TRIML2: variants seen among roughly 807,000 people sequenced by gnomAD.
The protein encoded by TRIML2 is probable E3 ubiquitin-protein ligase TRIML2.
TRIML2 carries 28 observed loss-of-function variants against 31.2 expected under a neutral mutation model. The observed-to-expected ratio is 0.90, with a 90% CI of 0.66 to 1.23. TRIML2 has a LOEUF of 1.23. Among genes scored for constraint, TRIML2 ranks in the 50% most tolerant of loss-of-function variants. The probability of loss-of-function intolerance (pLI) is 0.00; values close to 1 mark genes in which losing one functional copy is unlikely to be tolerated. For synonymous variants in TRIML2, 187 were observed against 197.5 expected, an observed-to-expected ratio of 0.95 and a Z score of 0.45; for missense variants, 536 against 528.3, an observed-to-expected ratio of 1.01 and a Z score of -0.14.
At chr4:188,099,302 C>T in intron 4 of TRIML2, 127 bp from the exon 5 acceptor site, 1 of 1,252,802 alleles carries the variant, frequency 8.0e-7, no homozygotes. Flanking sequence ...CGCAGTGGCT[C>T]ACGCCTGTAA....
Position 188,100,461 on chromosome 4 carries a change from G to C in TRIML2, c.480+595C>G, listed in dbSNP as rs565783949. Among the ~76,000 whole-genome samples the C allele has an allele frequency of 2.0e-5, 3 of 152,288 alleles. No individual in the cohort carries two copies. In the East Asian group the frequency reaches 5.8e-4, roughly 29 times the overall value. On this transcript the variant is annotated intron_variant, in intron 4 of 7. Transcript: ENST00000682553. ...TTCTAGGCCGGGCGCGGTGGCTCAC[G>C]CCTGTAATCCCAGCACTTTGGGAGG...
intron 1 of TRIML2, chr4:188,106,426 A>C (rs2111193160): frequency 6.6e-6 from 1 of 152,362 alleles, no homozygotes; most frequent in Non-Finnish European, 1.5e-5. Flanking sequence ...CTTCTCAATA[A>C]TTGTTTCCGA....
In TRIML2 at chr4:188,091,622, G is replaced by T; in HGVS notation, c.1065C>A (p.Phe355Leu). 1 of 1,614,148 alleles carries T rather than the reference G, an allele frequency of 6.2e-7. No homozygotes were observed. The highest frequency in any genetic ancestry group is 2.2e-5 in the East Asian group (1 of 44,864). ...CCAGGAAGAGCCTTTTCAGAGGGGG[G>T]AAGACCCAGAGAGTCCACTCGGTCC... The part of the protein sequence containing the change: ...VMGTEWTLWV[F>L]PPLKRLFLEK... Residue 355 changes from phenylalanine (F) to leucine (L), a missense_variant, in exon 8 of 8, where the codon TTC (phenylalanine) becomes TTA (leucine). By Grantham distance (22) the Phe-to-Leu change is conservative. Coordinates refer to ENST00000682553, the MANE Select transcript of TRIML2 (RefSeq NM_173553.4).
At chr4:188,095,660 G>A (rs1287197604) in intron 7 of TRIML2, among the ~76,000 whole-genome samples, 1 of 152,158 alleles carries the variant, frequency 6.6e-6, no homozygotes, top group East Asian at 1.9e-4. Flanking sequence ...TTGGTGGGAA[G>A]GCAAAATGGC....
intron 7 of TRIML2, 112 bp from the exon 8 acceptor site, chr4:188,092,053 A>G: frequency 9.2e-7 from 1 of 1,092,154 alleles, no homozygotes; most frequent in Non-Finnish European, 1.3e-6. Context: ...TCCCAGGCCC[A>G]GATACGGGAG....
At chr4:188,098,332 C>A in intron 5 of TRIML2, 1 of 414,398 alleles carries the variant, frequency 2.4e-6, no homozygotes, top group Non-Finnish European at 4.8e-6. Context: ...TAGCCTCCAT[C>A]TCCAGCCTCA....
At chr4:188,103,137 T>C (rs1373730966) in intron 3 of TRIML2, among the ~76,000 whole-genome samples, 1 of 149,092 alleles carries the variant, frequency 6.7e-6, no homozygotes, top group Non-Finnish European at 1.5e-5. Context: ...CTCAGTCACC[T>C]GAGTAGCTGG....
rs551966120 is a variant in TRIML2 at position 188,105,585 on chromosome 4, T to C, written c.-217A>G. 3.8e-5 allele frequency: 16 copies of C among 415,722 alleles called. No homozygotes were observed. Among genetic ancestry groups the C allele is most frequent in the African/African-American group, 3.1e-4 (16 of 51,418 alleles). The allele number at this position is 415,722 out of a possible 1,614,324, so 25.8% of individuals were successfully genotyped here. ...TCAAATCCAACAAATTTCTGGCAGC[T>C]GCCTGCTTGGGGAAAAGACAGAGTT... is the stretch of plus-strand genomic sequence containing the variant. On this transcript the variant is annotated 5_prime_UTR_variant, in exon 2 of 8. Coordinates refer to ENST00000682553, the MANE Select transcript of TRIML2 (RefSeq NM_173553.4).
intron 1 of TRIML2, among the ~76,000 whole-genome samples, chr4:188,108,565 G>A (rs1333616326): frequency 6.6e-6 from 1 of 152,136 alleles, no homozygotes; most frequent in Admixed American, 6.6e-5. Flanking sequence ...GAGTAAGATC[G>A]AAGTGGGTAA....
Position 188,091,642 on chromosome 4 carries a change from C to T in TRIML2, c.1045G>A (p.Glu349Lys), listed in dbSNP as rs150210586. 23 of 1,614,000 alleles carry T rather than the reference C, an allele frequency of 1.4e-5. No homozygotes were observed. In the African/African-American group the frequency reaches 1.9e-4, roughly 13 times the overall value. The change falls in exon 8 of 8, where the codon GAG becomes AAG. Residue 349 changes from glutamate to lysine, a missense_variant. By Grantham distance (56) the Glu-to-Lys change is moderately conservative. Coordinates refer to ENST00000682553, the MANE Select transcript of TRIML2 (RefSeq NM_173553.4). Reference sequence around the variant, plus strand: ...GGGGGGAAGACCCAGAGAGTCCACTCGGTCCCCATCACCGACCCCGTGAGC... The same window carrying T: ...GGGGGGAAGACCCAGAGAGTCCACTTGGTCCCCATCACCGACCCCGTGAGC... ...VLLTGSVMGT[E>K]WTLWVFPPLK...
intron 4 of TRIML2, among the ~76,000 whole-genome samples, chr4:188,100,505 G>A (rs1337947027): frequency 6.6e-6 from 1 of 152,160 alleles, no homozygotes; most frequent in Non-Finnish European, 1.5e-5. Context: ...GGTGGATCAT[G>A]AGGTCAGGAG....
At chr4:188,098,804 C>T in intron 5 of TRIML2, 1 of 493,434 alleles carries the variant, frequency 2.0e-6, no homozygotes. Context: ...CCCTAACTTA[C>T]TGCTGATAAT....
chr4:188,100,837 A>G (rs922572608), intron 4 of TRIML2, among the ~76,000 whole-genome samples: 2 of 152,164 alleles, frequency 1.3e-5, no homozygotes, highest in Admixed American at 1.3e-4. Flanking sequence ...TAATACAGTA[A>G]TATGTGTACA....
chr4:188,095,717 C>A (rs1455509553), intron 7 of TRIML2, among the ~76,000 whole-genome samples: 1 of 152,116 alleles, frequency 6.6e-6, no homozygotes, highest in Non-Finnish European at 1.5e-5. Context: ...CTTAGACAGT[C>A]AATCAAGAAC....
rs540345199 is a variant in TRIML2, at chr4:188,097,013, C to T, written c.745+48G>A. 7 of 1,363,042 alleles carry T rather than the reference C, an allele frequency of 5.1e-6. No individual in the cohort carries two copies. The Admixed American group carries it at 1.2e-4, about 24-fold the overall frequency. The allele number at this position is 1,363,042 out of a possible 1,614,324, so 84.4% of individuals were successfully genotyped here. ...TTTATGGCAGGATGGTCACCTGATT[C>T]TCAAATGCAGAACAGTGCCCTGTGA... On this transcript the variant is annotated intron_variant, in intron 7 of 7. Transcript: ENST00000682553.
intron 4 of TRIML2, among the ~76,000 whole-genome samples, chr4:188,099,984 G>A (rs1733700994): frequency 1.3e-5 from 2 of 151,866 alleles, no homozygotes; most frequent in Non-Finnish European, 2.9e-5. Flanking sequence ...TTATTTAGGG[G>A]GAAAAAACAT....
At chr4:188,099,304 C>G (rs138098491) in intron 4 of TRIML2, 129 bp from the exon 5 acceptor site, 20,189 of 1,213,972 alleles carry the variant, frequency 0.017, 233 homozygotes, top group African/African-American at 0.04. Flanking sequence ...CAGTGGCTCA[C>G]GCCTGTAATC....
intron 7 of TRIML2, among the ~76,000 whole-genome samples, chr4:188,094,957 C>A (rs1560947469): frequency 6.6e-6 from 1 of 152,138 alleles, no homozygotes; most frequent in Non-Finnish European, 1.5e-5. Flanking sequence ...ATTAGAGTCA[C>A]AAATAGACGT....
At chr4:188,105,647 T>A in intron 1 of TRIML2, 57 bp from the exon 2 acceptor site, 1 of 327,396 alleles carries the variant, frequency 3.1e-6, no homozygotes, top group Non-Finnish European at 5.6e-6. Flanking sequence ...TTCCCTCAGG[T>A]CTTCTGACAA....
Sources: gnomAD v4.1 joint callset for allele counts (sites outside exome capture counted in the v4.1 genomes callset) on GRCh38, gnomAD v4.1.1 for gene constraint, MANE v1.5 for transcripts, NCBI Gene and HGNC (gene_info 2026-07-23, HGNC 2026-07-21) for gene names.